The following COLEC12 variants were observed in gnomAD, a reference collection of about 807,000 sequenced individuals.
COLEC12 encodes collectin-12.
Under a neutral mutation model 71.1 loss-of-function variants are expected in COLEC12, and 33 were observed. The ratio of observed to expected loss-of-function variants is 0.46; its 90% CI spans 0.35 to 0.62. The LOEUF (loss-of-function observed/expected upper bound fraction) is 0.62, where lower values mean the gene tolerates loss of function less well. COLEC12 is among the 20% of genes least tolerant of loss of function. The pLI is 0.00. For synonymous variants in COLEC12, 350 were observed against 353.0 expected (o/e 0.99, Z 0.10); for missense variants, 765 against 916.1 (o/e 0.84, Z 2.13).
At chr18:412,373 C>A (rs567229127) in intron 2 of COLEC12, among the ~76,000 whole-genome samples, 1 of 151,626 alleles carries the variant, frequency 6.6e-6, no homozygotes, top group Admixed American at 6.6e-5. Context: ...GCAAAAATAT[C>A]CTTCAGAAAT....
chr18:328,736 C>T (rs766789999), intron 8 of COLEC12, among the ~76,000 whole-genome samples: 28 of 152,170 alleles, frequency 1.8e-4, no homozygotes, highest in African/African-American at 6.8e-4. Flanking sequence ...GCAACTCACA[C>T]GAGGCCTTGC....
intron 2 of COLEC12, among the ~76,000 whole-genome samples, chr18:459,422 G>C (rs949678266): frequency 4.6e-5 from 7 of 152,196 alleles, no homozygotes; most frequent in African/African-American, 1.7e-4. Context: ...CCACTTGGAA[G>C]AGTTAGCATG....
intron 2 of COLEC12, among the ~76,000 whole-genome samples, chr18:406,326 G>A (rs1915784589): frequency 6.6e-6 from 1 of 151,912 alleles, no homozygotes; most frequent in Admixed American, 6.6e-5. Flanking sequence ...TGGCTAACAA[G>A]GTGAAACCCC....
At chr18:495,513 C>G (rs1197840510) in intron 1 of COLEC12, among the ~76,000 whole-genome samples, 1 of 152,200 alleles carries the variant, frequency 6.6e-6, no homozygotes, top group African/African-American at 2.4e-5. Context: ...GTAAGCAAAA[C>G]CTCCCAGAAG....
intron 2 of COLEC12, among the ~76,000 whole-genome samples, chr18:403,862 C>T (rs933446368): frequency 3.9e-5 from 6 of 152,192 alleles, no homozygotes; most frequent in Non-Finnish European, 5.9e-5. Flanking sequence ...GATGTCTTGC[C>T]ATTTGTTCTC....
intron 2 of COLEC12, among the ~76,000 whole-genome samples, chr18:416,988 C>T (rs746651634): frequency 3.3e-5 from 5 of 151,798 alleles, no homozygotes; most frequent in Non-Finnish European, 5.9e-5. Flanking sequence ...TAAAGAACTG[C>T]AGTAATTAGC....
In COLEC12 at chr18:347,283, T is replaced by C. The variant is rs777318817; in HGVS notation, c.339A>G (p.Ser113=). Residue 113 remains serine (S), a synonymous_variant, in exon 5 of 10, where the codon TCA becomes TCG. Coordinates refer to ENST00000400256, the MANE Select transcript of COLEC12 (RefSeq NM_130386.3). ...GTTGCTGACGGAGATCTAGAATGTC[T>C]GATCTGAAGGTGGAGAGTTCTGAGT... ...STNSELSTFR[S]DILDLRQQLR... is the part of the protein sequence containing the mutation. 1 of 1,614,082 alleles carries C rather than the reference T, an allele frequency of 6.2e-7. No homozygotes were observed. Among genetic ancestry groups the C allele is most frequent in the Non-Finnish European group, 8.5e-7 (1 of 1,180,032 alleles).
In COLEC12 at chr18:320,035, TCA is replaced by T. The variant is rs1432485491; in HGVS notation, c.*8_*9del. The T allele has an allele frequency of 6.5e-7, 1 of 1,544,248 alleles. No individual in the cohort carries two copies. The highest frequency in any genetic ancestry group is 1.4e-5 in the African/African-American group (1 of 72,720). On this transcript the variant is annotated 3_prime_UTR_variant, in exon 10 of 10. Transcript: ENST00000400256. Reference sequence around the variant, plus strand: ...CTGAAAATTTGCTCATGTGATCCCATCACAGTCCGTTATAATGCAGATGACAG... The same window carrying T: ...CTGAAAATTTGCTCATGTGATCCCATCAGTCCGTTATAATGCAGATGACAG...
chr18:384,915 G>C (rs980863298), intron 2 of COLEC12, among the ~76,000 whole-genome samples: 2 of 152,238 alleles, frequency 1.3e-5, no homozygotes, highest in Non-Finnish European at 2.9e-5. Flanking sequence ...ATGCCTAGAA[G>C]TTCTTTCCAT....
chr18:350,304 C>CGT (rs1914483596), intron 3 of COLEC12, among the ~76,000 whole-genome samples: 1 of 152,120 alleles, frequency 6.6e-6, no homozygotes, highest in Non-Finnish European at 1.5e-5. Context: ...TTGCTGCTGC[C>CGT]GTGTAAGAAG....
intron 1 of COLEC12, among the ~76,000 whole-genome samples, chr18:493,715 G>A (rs1358989090): frequency 6.6e-6 from 1 of 152,222 alleles, no homozygotes; most frequent in South Asian, 2.1e-4. Flanking sequence ...ATAAATGAAG[G>A]CTAGTTAGAA....
intron 2 of COLEC12, among the ~76,000 whole-genome samples, chr18:360,336 C>A (rs945446064): frequency 2.6e-5 from 4 of 152,070 alleles, no homozygotes; most frequent in Admixed American, 2.0e-4. Flanking sequence ...GTGCCCACGA[C>A]CACACACGGC....
At chr18:387,790 G>A (rs2143579760) in intron 2 of COLEC12, among the ~76,000 whole-genome samples, 1 of 152,284 alleles carries the variant, frequency 6.6e-6, no homozygotes, top group South Asian at 2.1e-4. Flanking sequence ...AACCCAGTGT[G>A]TAATTTTAAG....
Position 348,140 on chromosome 18 carries a change from T to C in COLEC12, c.205A>G (p.Thr69Ala). The change falls in exon 4 of 10, where the codon ACA becomes GCA. Residue 69 changes from threonine to alanine, a missense_variant. Coordinates refer to ENST00000400256, the MANE Select transcript of COLEC12 (RefSeq NM_130386.3). ...YKVVEKMDNV[T>A]GGMETSRQTY... ...TGGCGAGATGTTTCCATGCCACCTG[T>C]GACATTGTCCATTTTCTCTACAACT... 1 of 1,613,646 alleles carries C rather than the reference T, an allele frequency of 6.2e-7. No individual in the cohort carries two copies. Among genetic ancestry groups the C allele is most frequent in the South Asian group, 1.1e-5 (1 of 91,060 alleles).
At chr18:348,009 T>A (rs1252414130) in intron 4 of COLEC12, 56 bp downstream of exon 4, 1 of 1,146,872 alleles carries the variant, frequency 8.7e-7, no homozygotes, top group Non-Finnish European at 1.3e-6. Flanking sequence ...TCTAAGAAGC[T>A]GTGGTCATTT....
intron 3 of COLEC12, among the ~76,000 whole-genome samples, chr18:352,513 AAG>A (rs1491079166): frequency 6.6e-6 from 1 of 152,226 alleles, no homozygotes; most frequent in Non-Finnish European, 1.5e-5. Flanking sequence ...CATTAAAAAA[AAG>A]AACAAAAAAA....
intron 2 of COLEC12, among the ~76,000 whole-genome samples, chr18:392,628 T>C (rs1227172009): frequency 6.6e-6 from 1 of 152,234 alleles, no homozygotes; most frequent in East Asian, 1.9e-4. Flanking sequence ...CACAATTACT[T>C]CAGCTACTAA....
intron 1 of COLEC12, among the ~76,000 whole-genome samples, chr18:494,806 C>T (rs1215480764): frequency 1.3e-5 from 2 of 152,180 alleles, no homozygotes; most frequent in Non-Finnish European, 2.9e-5. Context: ...GTGAGTTTTT[C>T]ACACCAAATG....
At chr18:469,847 T>C (rs932063346) in intron 2 of COLEC12, among the ~76,000 whole-genome samples, 1 of 149,018 alleles carries the variant, frequency 6.7e-6, no homozygotes, top group African/African-American at 2.5e-5. Flanking sequence ...TGGACATCTT[T>C]AGGAGAAAAT....
Sources: gnomAD v4.1 joint callset for allele counts (sites outside exome capture counted in the v4.1 genomes callset) on GRCh38, gnomAD v4.1.1 for gene constraint, MANE v1.5 for transcripts, NCBI Gene and HGNC (gene_info 2026-07-23, HGNC 2026-07-21) for gene names.